Variants in PRDM1 observed in about 807,000 individuals in gnomAD.
The protein encoded by PRDM1 is PR domain zinc finger protein 1.
A neutral mutation model predicts 62.8 loss-of-function variants in PRDM1; 13 were observed. That is an observed-to-expected ratio of 0.21 (90% CI 0.13 to 0.33). The LOEUF is 0.33. Among genes scored for constraint, PRDM1 ranks in the 10% least tolerant of loss-of-function variants. The pLI is 1.00. For missense variants in PRDM1, 895 were observed against 1,058.8 expected (o/e 0.85, Z 2.15); for synonymous variants, 396 against 417.6 (o/e 0.95, Z 0.63).
intron 1 of PRDM1, among the ~76,000 whole-genome samples, chr6:106,074,745 C>T (rs113599986): frequency 0.07 from 10,636 of 152,178 alleles, 526 homozygotes; most frequent in East Asian, 0.16. Flanking sequence ...GAGGCCAAGG[C>T]GGGCGGATCG....
intron 1 of PRDM1, among the ~76,000 whole-genome samples, chr6:106,007,995 C>G (rs905246120): frequency 2.0e-5 from 3 of 152,208 alleles, no homozygotes; most frequent in Non-Finnish European, 4.4e-5. Context: ...CTTTTTATCT[C>G]CAGAACCTCT....
At chr6:106,022,507 C>A (rs554956291) in intron 1 of PRDM1, among the ~76,000 whole-genome samples, 140 of 151,368 alleles carry the variant, frequency 9.2e-4, no homozygotes, top group African/African-American at 3.3e-3. Flanking sequence ...CGGCTCACTG[C>A]AACCTCCGCC....
rs555648958 is a variant in PRDM1 at position 106,106,709 on chromosome 6, T to C, written c.1903-202T>C. ...CAGCTTCCAGTGGGTGGGAAAATGGTAGGGGAAATAAACAGCCCCTCGTGT... is the reference window on the plus strand; with the variant it reads ...CAGCTTCCAGTGGGTGGGAAAATGGCAGGGGAAATAAACAGCCCCTCGTGT... On this transcript the variant is annotated intron_variant, in intron 6 of 6. Transcript: ENST00000369096. This position sits in a 1 kb window ranked among gnomAD's most constrained non-coding sequence, Gnocchi z 4.4. 5.3e-5 allele frequency among the ~76,000 whole-genome samples: 8 copies of C among 152,256 alleles called. No homozygotes were observed. The East Asian group carries it at 1.5e-3, about 29-fold the overall frequency.
At chr6:106,087,869 A>ACT (rs1773849367) in intron 1 of PRDM1, 1 of 258,178 alleles carries the variant, frequency 3.9e-6, no homozygotes, top group Non-Finnish European at 7.4e-6. Context: ...ATTCTGGGAC[A>ACT]CTGGACTGTG....
intron 1 of PRDM1, among the ~76,000 whole-genome samples, chr6:106,013,923 T>G: frequency 6.6e-6 from 1 of 152,150 alleles, no homozygotes; most frequent in East Asian, 1.9e-4. Flanking sequence ...CAAAAGGAGC[T>G]TCCTCCTTCC....
chr6:106,015,612 A>G (rs1168054480), intron 1 of PRDM1, among the ~76,000 whole-genome samples: 1 of 144,936 alleles, frequency 6.9e-6, no homozygotes, highest in Non-Finnish European at 1.5e-5. Flanking sequence ...TGGGAAGGGC[A>G]TGGGTGGAGA....
At chr6:106,037,808 T>A (rs973147424) in intron 1 of PRDM1, among the ~76,000 whole-genome samples, 15 of 151,960 alleles carry the variant, frequency 9.9e-5, no homozygotes, top group Admixed American at 7.9e-4. Context: ...TTTAAGACTG[T>A]TTTTTATAGT....
chr6:106,085,638 A>G (rs1410664151), upstream of PRDM1, among the ~76,000 whole-genome samples: 3 of 152,232 alleles, frequency 2.0e-5, no homozygotes, highest in East Asian at 1.9e-4. Context: ...GATCAGTTCA[A>G]TATTCCTCTG....
At chr6:106,006,196 G>A (rs957988128) in intron 1 of PRDM1, among the ~76,000 whole-genome samples, 4 of 152,210 alleles carry the variant, frequency 2.6e-5, no homozygotes, top group African/African-American at 7.2e-5. Context: ...CACTTAATGC[G>A]TGTGTTCTAG....
At position 106,105,320 on chromosome 6, in the gene PRDM1, G is replaced by A. The variant is rs149824991; in HGVS notation, c.1160G>A (p.Gly387Asp). 19 of 1,612,664 alleles carry A rather than the reference G, an allele frequency of 1.2e-5. No homozygotes were observed. Among genetic ancestry groups the A allele is most frequent in the African/African-American group, 2.7e-5 (2 of 74,874 alleles). Residue 387 changes from glycine to aspartate, a missense_variant, in exon 5 of 7, where the codon GGC becomes GAC. Gly to Asp is a moderately conservative substitution (Grantham distance 94). Transcript: ENST00000369096. ...GCGTCCTACGGCACGGAAGGTTTGG[G>A]CTCCTACCCTGGCTACGCACCCCTG... Reference protein sequence around the residue: ...LNASYGTEGLGSYPGYAPLPH... With the variant: ...LNASYGTEGLDSYPGYAPLPH...
chr6:106,042,347 C>T (rs959612937), intron 1 of PRDM1, among the ~76,000 whole-genome samples: 2 of 149,942 alleles, frequency 1.3e-5, no homozygotes, highest in African/African-American at 2.4e-5. Context: ...ATGGAGAAAC[C>T]CCGTCTCTAC....
intron 1 of PRDM1, among the ~76,000 whole-genome samples, chr6:106,051,210 A>G (rs1428925209): frequency 1.3e-5 from 2 of 152,252 alleles, no homozygotes; most frequent in Admixed American, 6.5e-5. Context: ...CCTAGGAATG[A>G]AAATCATGGT....
In PRDM1 at chr6:106,105,755, A is replaced by C; in HGVS notation, c.1595A>C (p.Lys532Thr). The C allele has an allele frequency of 6.2e-7, 1 of 1,614,178 alleles. No homozygotes were observed. Among genetic ancestry groups the C allele is most frequent in the East Asian group, 2.2e-5 (1 of 44,886 alleles). ...ACGGCAGAACATGTGGTGCAGCCCA[A>C]AGCTACCTCAGCAGCGATGGCAGCC... ...AATAEHVVQP[K>T]ATSAAMAAPS... The change falls in exon 5 of 7, where the codon AAA becomes ACA. Residue 532 changes from lysine (K) to threonine (T), a missense_variant. Around this residue, in one of 4 missense-constraint regions of PRDM1, gnomAD observed 444 missense variants for 422.7 expected, o/e 1.05. Coordinates refer to ENST00000369096, the MANE Select transcript of PRDM1 (RefSeq NM_001198.4).
At chr6:105,999,922 C>A (rs1361208399) in intron 1 of PRDM1, among the ~76,000 whole-genome samples, 1 of 152,072 alleles carries the variant, frequency 6.6e-6, no homozygotes, top group African/African-American at 2.4e-5. Context: ...GGCGCCATCT[C>A]GGCTCACTGC....
intron 1 of PRDM1, among the ~76,000 whole-genome samples, chr6:106,070,073 A>G (rs1330164245): frequency 6.6e-6 from 1 of 152,154 alleles, no homozygotes; most frequent in African/African-American, 2.4e-5. Flanking sequence ...TTTTTTAGCT[A>G]AATCAATCTT....
rs572362853 is a variant in PRDM1 at position 106,106,731 on chromosome 6, G to A, written c.1903-180G>A. 1.2e-4 allele frequency among the ~76,000 whole-genome samples: 18 copies of A among 152,224 alleles called. No individual in the cohort carries two copies. In the South Asian group the frequency reaches 3.1e-3, roughly 26 times the overall value. ...TGGTAGGGGAAATAAACAGCCCCTC[G>A]TGTGCTGTGTGCCCACATCCCCCCG... is the stretch of plus-strand genomic sequence containing the variant. On this transcript the variant is annotated intron_variant, in intron 6 of 6. Transcript: ENST00000369096. The surrounding 1 kb of genome is among the most constrained non-coding windows in gnomAD (Gnocchi z 4.4).
chr6:106,041,809 C>CTT (rs537352355), intron 1 of PRDM1, among the ~76,000 whole-genome samples: 17 of 129,864 alleles, frequency 1.3e-4, no homozygotes, highest in African/African-American at 2.8e-4. Flanking sequence ...GTATTTCTTT[C>CTT]TTTTTTTTTT....
rs926688107 is a variant in PRDM1 at position 106,105,475 on chromosome 6, C to G, written c.1315C>G (p.Leu439Val). Residue 439 changes from leucine to valine, a missense_variant, in exon 5 of 7, where the codon CTC (leucine) becomes GTC (valine). By Grantham distance (32) the Leu-to-Val change is conservative. Coordinates refer to ENST00000369096, the MANE Select transcript of PRDM1 (RefSeq NM_001198.4). The stretch of plus-strand genomic sequence containing the variant: ...CATGAATGGCATCAACAACTTTGGC[C>G]TCTTCCCGAGGCTGTGCCCTGTCTA... ...SSMNGINNFG[L>V]FPRLCPVYSN... The G allele has an allele frequency of 1.2e-6, 2 of 1,613,994 alleles. No homozygotes were observed. Among genetic ancestry groups the G allele is most frequent in the African/African-American group, 2.7e-5 (2 of 74,914 alleles).
intron 2 of PRDM1, among the ~76,000 whole-genome samples, chr6:106,092,851 G>T (rs902628049): frequency 1.3e-5 from 2 of 152,184 alleles, no homozygotes; most frequent in African/African-American, 4.8e-5. Context: ...GACTTAGAAT[G>T]GATATAGGTG....
Sources: allele counts gnomAD v4.1 joint callset (sites outside exome capture counted in the v4.1 genomes callset), GRCh38; gene constraint gnomAD v4.1.1; regional missense constraint gnomAD v4.1.1; non-coding constraint Gnocchi (gnomAD v3.1); transcripts MANE v1.5; gene names NCBI Gene and HGNC (gene_info 2026-07-23, HGNC 2026-07-21).